The following MYOM1 variants were observed in gnomAD, a reference collection of about 807,000 sequenced individuals.
The protein encoded by MYOM1 is myomesin 1, also known as myomesin-1.
In MYOM1, 164 loss-of-function variants were observed where a neutral mutation model predicts 205.3. That is an observed-to-expected ratio of 0.80 (90% CI 0.70 to 0.91). MYOM1 has a LOEUF of 0.91. MYOM1 is among the 40% of genes least tolerant of loss of function. MYOM1 has a pLI of 0.00. For synonymous variants in MYOM1, 772 were observed against 789.4 expected, an observed-to-expected ratio of 0.98 and a Z score of 0.37; for missense variants, 2,011 against 2,127.3, an observed-to-expected ratio of 0.95 and a Z score of 1.08.
At position 3,067,542 on chromosome 18, in the gene MYOM1, G is replaced by A. The variant is rs757141097; in HGVS notation, c.4778C>T (p.Thr1593Ile). The A allele has an allele frequency of 4.3e-6, 7 of 1,613,226 alleles. No homozygotes were observed. The Admixed American group carries it at 6.7e-5, about 15-fold the overall frequency. ...AGGCGGGTCTCCCCACACGTTGCAA[G>A]TGAGATTAAGGGCCTGCAAGACAGG... is the stretch of plus-strand genomic sequence containing the variant. Reference protein sequence around the residue: ...TIQEGKALNLTCNVWGDPPPE... With the variant: ...TIQEGKALNLICNVWGDPPPE... The change falls in exon 38 of 38, where the codon ACT (threonine) becomes ATT (isoleucine). Residue 1593 changes from threonine (T) to isoleucine (I), a missense_variant. Physicochemically the swap from Thr to Ile is moderately conservative, Grantham distance 89. Transcript: ENST00000356443.
intron 14 of MYOM1, among the ~76,000 whole-genome samples, chr18:3,141,147 G>T (rs2080043256): frequency 6.6e-6 from 1 of 152,248 alleles, no homozygotes; most frequent in Middle Eastern, 3.4e-3. Flanking sequence ...TGCGTGGCCG[G>T]CTCTCCTATT....
intron 17 of MYOM1, 88 bp downstream of exon 17, chr18:3,131,286 GC>G: frequency 1.4e-6 from 2 of 1,419,044 alleles, no homozygotes. Flanking sequence ...AATATTGGAA[GC>G]TAAATAATTT....
At chr18:3,197,625 G>A (rs546917287) in intron 2 of MYOM1, among the ~76,000 whole-genome samples, 7 of 152,166 alleles carry the variant, frequency 4.6e-5, no homozygotes, top group Middle Eastern at 6.8e-3. Context: ...TGTAATCCCA[G>A]CACGTTGGGA....
intron 36 of MYOM1, among the ~76,000 whole-genome samples, chr18:3,074,847 G>A (rs2079002663): frequency 6.6e-6 from 1 of 152,048 alleles, no homozygotes; most frequent in African/African-American, 2.4e-5. Context: ...GTCTTGCTCT[G>A]TTGCCCAGGC....
rs1272549155 is a variant in MYOM1, at chr18:3,186,709, T to TA, written c.929+770dup. ...GATGCAACTTGCTTATGCTCTCTGG[T>TA]AAAAAAAATAAATAAATAAGAAAGG... On this transcript the variant is annotated intron_variant, in intron 5 of 37. Coordinates refer to ENST00000356443, the MANE Select transcript of MYOM1 (RefSeq NM_003803.4). 1.9e-4 allele frequency among the ~76,000 whole-genome samples: 27 copies of TA among 142,252 alleles called. 1 individual carries two copies. Among genetic ancestry groups the TA allele is most frequent in the South Asian group, 6.6e-4 (3 of 4,562 alleles). 93.3% of individuals were successfully genotyped at this position (142,252 alleles called of 152,430 possible). A position where few individuals can be genotyped will look rare whatever the true frequency, so the allele number is the denominator to read the frequency against.
In MYOM1 at chr18:3,174,210, T is replaced by C; in HGVS notation, c.1023-2A>G. ...TGAGCTGTATCTTCAAAATCACATC[T>C]GAAAGAACAGACGGAAATGAATATC... is the stretch of plus-strand genomic sequence containing the variant. On this transcript the variant is annotated splice_acceptor_variant, in intron 6 of 37. Transcript: ENST00000356443. LOFTEE classifies it high-confidence loss of function. The C allele has an allele frequency of 2.5e-6, 4 of 1,611,576 alleles. No homozygotes were observed. The highest frequency in any genetic ancestry group is 3.4e-6 in the Non-Finnish European group (4 of 1,178,446).
intron 13 of MYOM1, among the ~76,000 whole-genome samples, chr18:3,148,816 A>G (rs1169896113): frequency 1.7e-5 from 2 of 119,004 alleles, no homozygotes; most frequent in African/African-American, 3.3e-5. Flanking sequence ...ATTGCACTCC[A>G]CCCTGGGCGA....
intron 20 of MYOM1, among the ~76,000 whole-genome samples, chr18:3,117,845 G>A (rs912963578): frequency 2.0e-4 from 30 of 152,008 alleles, no homozygotes; most frequent in Admixed American, 1.8e-3. Context: ...ACAAATATGC[G>A]TCATGCTTGC....
rs368424215 is a variant in MYOM1, at chr18:3,164,421, G to A, written c.1358C>T (p.Ser453Leu). Reference sequence around the variant, plus strand: ...ACTCCAAAGTGTTTGCACCCATTTTGATGGAGAAAGAGGTACTCCTAGAAA... The same window carrying A: ...ACTCCAAAGTGTTTGCACCCATTTTAATGGAGAAAGAGGTACTCCTAGAAA... Reference protein sequence around the residue: ...WYRNGVPLSPSKWVQTLWSGE... With the variant: ...WYRNGVPLSPLKWVQTLWSGE... Residue 453 changes from serine (S) to leucine (L), a missense_variant, in exon 10 of 38, where the codon TCA becomes TTA. By Grantham distance (145) the Ser-to-Leu change is moderately radical. Coordinates refer to ENST00000356443, the MANE Select transcript of MYOM1 (RefSeq NM_003803.4). 1.9e-5 allele frequency: 30 copies of A among 1,603,478 alleles called. No homozygotes were observed. In the African/African-American group the frequency reaches 3.6e-4, roughly 19 times the overall value.
chr18:3,197,821 C>T (rs538608911), intron 2 of MYOM1, among the ~76,000 whole-genome samples: 15 of 152,000 alleles, frequency 9.9e-5, no homozygotes, highest in African/African-American at 2.4e-4. Flanking sequence ...TGCAGTGAGC[C>T]GAGATCGCAC....
the MYOM1 span, among the ~76,000 whole-genome samples, chr18:3,237,054 A>G: frequency 1.3e-5 from 2 of 152,210 alleles, no homozygotes; most frequent in Non-Finnish European, 2.9e-5. Flanking sequence ...CTTGACGAGC[A>G]CACATTTGAT....
At chr18:3,109,001 G>A (rs1430722596) in intron 22 of MYOM1, among the ~76,000 whole-genome samples, 2 of 149,846 alleles carry the variant, frequency 1.3e-5, no homozygotes, top group Non-Finnish European at 3.0e-5. Flanking sequence ...TTTTTTTTGA[G>A]ATGGAGTCTT....
chr18:3,233,119 G>C, the MYOM1 span, among the ~76,000 whole-genome samples: 15 of 152,206 alleles, frequency 9.9e-5, no homozygotes, highest in South Asian at 2.1e-3. Context: ...AGTTTTTATT[G>C]TGCCTTTATA....
At chr18:3,180,795 C>T (rs1044297077) in intron 5 of MYOM1, among the ~76,000 whole-genome samples, 1 of 152,078 alleles carries the variant, frequency 6.6e-6, no homozygotes, top group African/African-American at 2.4e-5. Flanking sequence ...AGACAAATGT[C>T]AGTTTGGATG....
chr18:3,111,788 TGACAGA>T (rs1761444085), intron 22 of MYOM1, among the ~76,000 whole-genome samples: 3 of 152,208 alleles, frequency 2.0e-5, no homozygotes, highest in African/African-American at 4.8e-5. Flanking sequence ...TAAGAAGTTG[TGACAGA>T]GACCACAGGG....
intron 26 of MYOM1, 141 bp downstream of exon 26, chr18:3,094,029 A>G (rs2079263563): frequency 2.6e-6 from 2 of 760,180 alleles, no homozygotes; most frequent in East Asian, 5.3e-5. Flanking sequence ...TTCATTTCAC[A>G]GTTTTCACTT....
chr18:3,200,043 A>G (rs2081046078), intron 2 of MYOM1, among the ~76,000 whole-genome samples: 1 of 152,210 alleles, frequency 6.6e-6, no homozygotes, highest in African/African-American at 2.4e-5. Flanking sequence ...AAAGCTGAGC[A>G]GAGACACCTG....
upstream of MYOM1, among the ~76,000 whole-genome samples, chr18:3,220,724 T>G (rs539780957): frequency 1.5e-3 from 225 of 152,274 alleles, 8 homozygotes; most frequent in South Asian, 0.045. Flanking sequence ...CCATGTAATC[T>G]CCAGCAATTT....
intron 3 of MYOM1, among the ~76,000 whole-genome samples, chr18:3,190,679 A>G (rs2080892117): frequency 1.3e-5 from 2 of 152,184 alleles, no homozygotes; most frequent in Non-Finnish European, 2.9e-5. Context: ...TTTTTGAACA[A>G]GATAGGAAAT....
Sources: allele counts gnomAD v4.1 joint callset (sites outside exome capture counted in the v4.1 genomes callset), GRCh38; gene constraint gnomAD v4.1.1; transcripts MANE v1.5; gene names NCBI Gene and HGNC (gene_info 2026-07-23, HGNC 2026-07-21).